HLA-DPB1: variants seen among roughly 807,000 people sequenced by gnomAD.
HLA-DPB1 encodes the protein HLA class II histocompatibility antigen, DP beta 1 chain.
HLA-DPB1 carries 30 observed loss-of-function variants against 29.4 expected under a neutral mutation model. That is an observed-to-expected ratio of 1.02 (90% CI 0.76 to 1.38). The LOEUF (loss-of-function observed/expected upper bound fraction) is 1.38. Ranked by LOEUF, HLA-DPB1 falls within the 40% of genes most tolerant of loss-of-function variation. The probability of loss-of-function intolerance (pLI) is 0.00; values close to 1 mark genes in which losing one functional copy is unlikely to be tolerated. For synonymous variants in HLA-DPB1, 114 were observed against 134.0 expected (o/e 0.85, Z 1.03); for missense variants, 261 against 327.5 (o/e 0.80, Z 1.57).
intron 1 of HLA-DPB1, chr6:33,079,908 C>CA (rs3841160): frequency 9.1e-5 from 23 of 252,884 alleles, no homozygotes; most frequent in South Asian, 2.7e-4. Context: ...TAAAAACTGC[C>CA]AAAAAAAATT....
intron 5 of HLA-DPB1, 28 bp from the exon 6 acceptor site, chr6:33,086,511 T>C: frequency 1.5e-6 from 1 of 672,278 alleles, no homozygotes. Flanking sequence ...GCTGGCAACC[T>C]GGGATAACTT....
In HLA-DPB1 at chr6:33,086,729, A is replaced by G. The variant is rs1312302083; in HGVS notation, c.*195A>G. ...TGTTTCTCTCACTGGGCCTCCAACC[A>G]TGTTCCCTTCTTCTTAGCACCACAA... On this transcript the variant is annotated 3_prime_UTR_variant, in exon 6 of 6. Transcript: ENST00000418931. 4 of 405,618 alleles carry G rather than the reference A, an allele frequency of 9.9e-6. 1 individual carries two copies. Among genetic ancestry groups the G allele is most frequent in the South Asian group, 2.0e-5 (1 of 50,908 alleles). The allele number at this position is 405,618 out of a possible 1,614,324, so 25.1% of individuals were successfully genotyped here. A position where few individuals can be genotyped will look rare whatever the true frequency, so the allele number is the denominator to read the frequency against.
chr6:33,084,807 G>GAA, intron 2 of HLA-DPB1, 143 bp from the exon 3 acceptor site: 1 of 369,674 alleles, frequency 2.7e-6, no homozygotes, highest in Non-Finnish European at 4.0e-6. Context: ...TCAACAAAAA[G>GAA]AAAGAATGAA....
chr6:33,085,344 C>T lies in HLA-DPB1; in HGVS notation c.646+113C>T, dbSNP rs80315764. 0.032 allele frequency: 29,931 copies of T among 940,420 alleles called. 3,199 individuals carry two copies. In the East Asian group the frequency reaches 0.38, roughly 12 times the overall value. 58.3% of individuals were successfully genotyped at this position (940,420 alleles called of 1,614,324 possible). A position where few individuals can be genotyped will look rare whatever the true frequency, so the allele number is the denominator to read the frequency against. ...TATACCCTGGGGCCATGTCCAAACC[C>T]CATCTTTCTTCTATACCAGCTCCTG... On this transcript the variant is annotated intron_variant, in intron 3 of 5. Transcript: ENST00000418931.
Position 33,088,779 on chromosome 6 carries a change from C to T in HLA-DPB1, c.*2245C>T, listed in dbSNP as rs371575614. Among the ~76,000 whole-genome samples the T allele has an allele frequency of 1.4e-4, 21 of 152,158 alleles. No homozygotes were observed. The highest frequency in any genetic ancestry group is 4.8e-4 in the African/African-American group (20 of 41,508). On this transcript the variant is annotated 3_prime_UTR_variant, in exon 6 of 6. Coordinates refer to ENST00000418931, the MANE Select transcript of HLA-DPB1 (RefSeq NM_002121.6). ...TCATTGGAGTTGAAGAGCAGAGATTCAAAGGAAAGTTGGAACTGGAGCTTT... is the reference window on the plus strand; with the variant it reads ...TCATTGGAGTTGAAGAGCAGAGATTTAAAGGAAAGTTGGAACTGGAGCTTT...
chr6:33,080,784 G>C lies in HLA-DPB1; in HGVS notation c.213G>C (p.Val71=). The part of the protein sequence containing the change: ...REEFARFDSD[V]GEFRAVTELG... Reference sequence around the variant, plus strand: ...AGTTCGCGCGCTTCGACAGCGACGTGGGGGAGTTCCGGGCGGTGACGGAGC... The same window carrying C: ...AGTTCGCGCGCTTCGACAGCGACGTCGGGGAGTTCCGGGCGGTGACGGAGC... Residue 71 remains valine (V), a synonymous_variant, in exon 2 of 6, where the codon GTG becomes GTC. Transcript: ENST00000418931. The surrounding 1 kb of genome is among the most constrained non-coding windows in gnomAD (Gnocchi z 4.3). The C allele has an allele frequency of 1.2e-6, 2 of 1,613,476 alleles. No individual in the cohort carries two copies. Among genetic ancestry groups the C allele is most frequent in the Non-Finnish European group, 1.7e-6 (2 of 1,179,720 alleles).
intron 2 of HLA-DPB1, 131 bp downstream of exon 2, chr6:33,081,066 G>C (rs17221178): frequency 1.2e-5 from 13 of 1,073,502 alleles, no homozygotes; most frequent in Non-Finnish European, 1.7e-5. Flanking sequence ...GGGGATTCAT[G>C]GGGGGAGCCC....
chr6:33,083,791 A>C (rs2150376233), intron 2 of HLA-DPB1: 1 of 152,312 alleles, frequency 6.6e-6, no homozygotes. Context: ...TGAGGAGGAA[A>C]AAGGTACTGG....
chr6:33,085,638 TCTGAATTTCCTCTTAGCAA>T, intron 3 of HLA-DPB1, 122 bp from the exon 4 acceptor site: 1 of 680,904 alleles, frequency 1.5e-6, no homozygotes. Flanking sequence ...GGTGGCTCTT[TCTGAATTTCCTCTTAGCAA>T]GCTTTTTCCG....
chr6:33,086,117 A>G (rs1204992945), intron 4 of HLA-DPB1, 102 bp from the exon 5 acceptor site: 3 of 1,107,334 alleles, frequency 2.7e-6, no homozygotes, highest in Non-Finnish European at 4.2e-6. Flanking sequence ...CGGAGCGTCC[A>G]TTGAGTGATG....
At chr6:33,078,626 C>CA (rs34544512) in intron 1 of HLA-DPB1, among the ~76,000 whole-genome samples, 7 of 151,088 alleles carry the variant, frequency 4.6e-5, no homozygotes, top group South Asian at 2.1e-4. Flanking sequence ...TTCTTATATA[C>CA]AAAAAAAAAT....
chr6:33,079,280 G>A (rs1373560218), intron 1 of HLA-DPB1, among the ~76,000 whole-genome samples: 4 of 152,234 alleles, frequency 2.6e-5, no homozygotes, highest in Admixed American at 2.0e-4. Flanking sequence ...AACATGTGCC[G>A]TGTCACTGAT....
At position 33,089,349 on chromosome 6, in the gene HLA-DPB1, A is replaced by C. The variant is rs1763251204; in HGVS notation, c.*2815A>C. ...ATTTCTTTTACACAGTAAGAATAGG[A>C]TCAGCTGTGCTAAACTAACAAATAC... is the stretch of plus-strand genomic sequence containing the variant. On this transcript the variant is annotated 3_prime_UTR_variant, in exon 6 of 6. Transcript: ENST00000418931. Among the ~76,000 whole-genome samples the C allele has an allele frequency of 6.6e-6, 1 of 152,186 alleles. No individual in the cohort carries two copies.
rs148951134 is a variant in HLA-DPB1 at position 33,088,479 on chromosome 6, C to G, written c.*1945C>G. 4.5e-3 allele frequency among the ~76,000 whole-genome samples: 692 copies of G among 152,188 alleles called. 3 individuals carry two copies. The highest frequency in any genetic ancestry group is 0.012 in the East Asian group (62 of 5,178). On this transcript the variant is annotated 3_prime_UTR_variant, in exon 6 of 6. Transcript: ENST00000418931. ...GAGGGTGTCAGGAGATGAGGAATGTCCCTGGAGTCACAGAAAGAAGGTATC... is the reference window on the plus strand; with the variant it reads ...GAGGGTGTCAGGAGATGAGGAATGTGCCTGGAGTCACAGAAAGAAGGTATC...
In HLA-DPB1 at chr6:33,076,088, C is replaced by A. The variant is rs41558014; in HGVS notation, c.47C>A (p.Thr16Lys). 6.2e-7 allele frequency: 1 copy of A among 1,612,388 alleles called. No homozygotes were observed. Residue 16 changes from threonine (T) to lysine (K), a missense_variant, in exon 1 of 6, where the codon ACG becomes AAG. Transcript: ENST00000418931. Reference sequence around the variant, plus strand: ...GCGGCCCCCCGGACAGTGGCTCTGACGGCGTTACTGATGGTGCTGCTCACA... The same window carrying A: ...GCGGCCCCCCGGACAGTGGCTCTGAAGGCGTTACTGATGGTGCTGCTCACA... ...VSAAPRTVAL[T>K]ALLMVLLTSV... is the part of the protein sequence containing the mutation.
chr6:33,080,476 G>C lies in HLA-DPB1; in HGVS notation c.101-196G>C. The C allele has an allele frequency of 1.3e-6, 1 of 770,674 alleles. No individual in the cohort carries two copies. The highest frequency in any genetic ancestry group is 2.3e-6 in the Non-Finnish European group (1 of 436,908). 47.7% of individuals were successfully genotyped at this position (770,674 alleles called of 1,614,324 possible). On this transcript the variant is annotated intron_variant, in intron 1 of 5. Transcript: ENST00000418931. This position sits in a 1 kb window ranked among gnomAD's most constrained non-coding sequence, Gnocchi z 4.3. ...ATTCTTTTCAGTAAATTCTCTCTCT[G>C]CGTGGTGAGAAAACAGGCCTGGAGA...
At chr6:33,086,267 T>TG in intron 5 of HLA-DPB1, 25 bp downstream of exon 5, 2 of 1,551,782 alleles carry the variant, frequency 1.3e-6, no homozygotes, top group Non-Finnish European at 1.8e-6. Flanking sequence ...TTGATTTCCT[T>TG]GTGGGGTGGG....
Position 33,085,012 on chromosome 6 carries a change from G to A in HLA-DPB1, c.427G>A (p.Val143Ile). The change falls in exon 3 of 6, where the codon GTC becomes ATC. Residue 143 changes from valine (V) to isoleucine (I), a missense_variant. By Grantham distance (29) the Val-to-Ile change is conservative (BLOSUM62 3). Transcript: ENST00000418931. ...GCCCTTGCAGCACCACAACCTGCTT[G>A]TCTGCCACGTGACGGATTTCTACCC... ...KGPLQHHNLL[V>I]CHVTDFYPGS... 3 of 1,612,464 alleles carry A rather than the reference G, an allele frequency of 1.9e-6. No homozygotes were observed. The highest frequency in any genetic ancestry group is 2.5e-6 in the Non-Finnish European group (3 of 1,179,174).
At chr6:33,084,554 C>T (rs916530252) in intron 2 of HLA-DPB1, among the ~76,000 whole-genome samples, 3 of 152,156 alleles carry the variant, frequency 2.0e-5, no homozygotes, top group East Asian at 1.9e-4. Flanking sequence ...AGAGGCCGAG[C>T]GGGTGGATCA....
Sources: gnomAD v4.1 joint callset for allele counts (sites outside exome capture counted in the v4.1 genomes callset) on GRCh38, gnomAD v4.1.1 for gene constraint, Gnocchi (gnomAD v3.1) non-coding constraint, MANE v1.5 for transcripts, NCBI Gene and HGNC (gene_info 2026-07-23, HGNC 2026-07-21) for gene names.